Variants in ASB3 observed in about 807,000 individuals in gnomAD.
The protein encoded by ASB3 is ankyrin repeat and SOCS box containing 3, also known as ankyrin repeat and SOCS box protein 3.
In ASB3, 41 loss-of-function variants were observed where a neutral mutation model predicts 54.5. That is an observed-to-expected ratio of 0.75 (90% CI 0.59 to 0.98). The LOEUF is 0.98. ASB3 is among the 50% of genes least tolerant of loss of function. The pLI is 0.00. For missense variants in ASB3, 733 were observed against 620.0 expected (o/e 1.18, Z -1.94); for synonymous variants, 266 against 221.2 (o/e 1.20, Z -1.80).
intron 1 of ASB3, chr2:53,772,070 T>C: frequency 1.7e-6 from 1 of 603,402 alleles, no homozygotes; most frequent in South Asian, 2.5e-5. Context: ...CTTCTCTGTA[T>C]TTGTGGGTTT....
At chr2:53,721,738 G>A (rs1358680676) in intron 5 of ASB3, among the ~76,000 whole-genome samples, 2 of 152,006 alleles carry the variant, frequency 1.3e-5, no homozygotes, top group African/African-American at 4.8e-5. Context: ...ATCTAGCTCA[G>A]AAAGAAAGAT....
intron 1 of ASB3, chr2:53,774,522 A>G (rs201688669): frequency 1.3e-6 from 2 of 1,531,940 alleles, no homozygotes; most frequent in South Asian, 1.3e-5. Context: ...TCAATTGCAT[A>G]TAATTTAGTC....
At chr2:53,756,736 T>G (rs1299062613) in intron 2 of ASB3, 1 of 153,026 alleles carries the variant, frequency 6.5e-6, no homozygotes, top group East Asian at 1.9e-4. Flanking sequence ...TTTGTTCCAG[T>G]TCAAACTGAG....
At chr2:53,691,639 C>T (rs1668918379) in intron 9 of ASB3, among the ~76,000 whole-genome samples, 1 of 151,906 alleles carries the variant, frequency 6.6e-6, no homozygotes, top group Admixed American at 6.6e-5. Flanking sequence ...GCTCAAAATC[C>T]CGGTAAAGGA....
intron 1 of ASB3, among the ~76,000 whole-genome samples, chr2:53,781,945 A>C (rs888832104): frequency 2.0e-5 from 3 of 152,218 alleles, no homozygotes; most frequent in African/African-American, 4.8e-5. Context: ...TGATTTATTC[A>C]ACAAGTACTG....
chr2:53,753,614 A>C (rs2104019248), intron 2 of ASB3, among the ~76,000 whole-genome samples: 1 of 151,794 alleles, frequency 6.6e-6, no homozygotes. Context: ...CAACAAGCAC[A>C]CCCAGTCCTC....
intron 3 of ASB3, among the ~76,000 whole-genome samples, chr2:53,749,789 T>C (rs993839465): frequency 7.2e-5 from 11 of 151,856 alleles, no homozygotes; most frequent in African/African-American, 1.9e-4. Context: ...GGGAAGAAAA[T>C]ATTGATTAAA....
At chr2:53,732,337 A>T (rs1671366762) in intron 3 of ASB3, among the ~76,000 whole-genome samples, 1 of 152,106 alleles carries the variant, frequency 6.6e-6, no homozygotes, top group Admixed American at 6.5e-5. Flanking sequence ...TACCATATTA[A>T]AAAAAAGCCT....
intron 1 of ASB3, 56 bp downstream of exon 1, chr2:53,786,765 T>A (rs1256509810): frequency 1.2e-5 from 2 of 168,604 alleles, no homozygotes; most frequent in Non-Finnish European, 2.5e-5. Context: ...GCCTGCCCAC[T>A]GGAGAGCAGC....
chr2:53,779,190 G>A (rs1674514291), intron 1 of ASB3, among the ~76,000 whole-genome samples: 1 of 152,158 alleles, frequency 6.6e-6, no homozygotes, highest in Non-Finnish European at 1.5e-5. Context: ...CTTCTTTTGA[G>A]AAATGTCTAT....
chr2:53,786,118 C>A (rs115827839), intron 1 of ASB3, among the ~76,000 whole-genome samples: 1 of 152,134 alleles, frequency 6.6e-6, no homozygotes, highest in Non-Finnish European at 1.5e-5. Flanking sequence ...CTAAAGCCAA[C>A]ACTCTATGTC....
At chr2:53,671,435 T>C (rs989730683) in intron 9 of ASB3, among the ~76,000 whole-genome samples, 26 of 149,096 alleles carry the variant, frequency 1.7e-4, no homozygotes, top group Middle Eastern at 3.5e-3. Flanking sequence ...TAACTACCAA[T>C]TAAAGGACAA....
At chr2:53,675,105 G>C (rs1349130883) in intron 9 of ASB3, among the ~76,000 whole-genome samples, 2 of 152,066 alleles carry the variant, frequency 1.3e-5, no homozygotes, top group African/African-American at 4.8e-5. Flanking sequence ...CTACAAAATG[G>C]GCATAATGAC....
intron 3 of ASB3, among the ~76,000 whole-genome samples, chr2:53,737,648 G>A (rs1260249437): frequency 6.6e-6 from 1 of 151,302 alleles, no homozygotes; most frequent in Admixed American, 6.6e-5. Flanking sequence ...ATCAATCCTG[G>A]GTACTTGTGA....
At chr2:53,729,351 A>G (rs769480407) in intron 4 of ASB3, 107 bp downstream of exon 4, 19 of 1,074,278 alleles carry the variant, frequency 1.8e-5, no homozygotes, top group Non-Finnish European at 2.6e-5. Context: ...TGCACTAACC[A>G]TCATAAATCA....
chr2:53,775,633 G>A (rs186620450), intron 1 of ASB3, among the ~76,000 whole-genome samples: 1 of 152,208 alleles, frequency 6.6e-6, no homozygotes, highest in Non-Finnish European at 1.5e-5. Context: ...GTGCCACCAC[G>A]CCCGGCTAAT....
At chr2:53,673,286 G>C (rs1572816097) in intron 9 of ASB3, among the ~76,000 whole-genome samples, 1 of 152,182 alleles carries the variant, frequency 6.6e-6, no homozygotes, top group African/African-American at 2.4e-5. Flanking sequence ...CCAGAAGGAA[G>C]ATAAAGGATG....
At chr2:53,760,622 C>G (rs1673088224) in intron 2 of ASB3, among the ~76,000 whole-genome samples, 1 of 149,818 alleles carries the variant, frequency 6.7e-6, no homozygotes, top group African/African-American at 2.5e-5. Context: ...CTTTTGCCTG[C>G]AGCTAACCAA....
chr2:53,722,828 A>G (rs1376882077), intron 5 of ASB3, among the ~76,000 whole-genome samples: 2 of 152,210 alleles, frequency 1.3e-5, no homozygotes, highest in African/African-American at 4.8e-5. Context: ...TAGTACTGAA[A>G]GTCCTTGCCA....
Sources: allele counts gnomAD v4.1 joint callset (sites outside exome capture counted in the v4.1 genomes callset), GRCh38; gene constraint gnomAD v4.1.1; transcripts MANE v1.5; gene names NCBI Gene and HGNC (gene_info 2026-07-23, HGNC 2026-07-21).